The following CXCL5 variants were observed in gnomAD, a reference collection of about 807,000 sequenced individuals.
The protein encoded by CXCL5 is C-X-C motif chemokine 5.
CXCL5 carries 13 observed loss-of-function variants against 12.1 expected under a neutral mutation model. The observed-to-expected ratio is 1.08, with a 90% confidence interval of 0.70 to 1.71. The LOEUF is 1.71. Among genes scored for constraint, CXCL5 ranks in the 40% most tolerant of loss-of-function variants. CXCL5 has a pLI of 0.00. For synonymous variants in CXCL5, 67 were observed against 59.0 expected, an observed-to-expected ratio of 1.14 and a Z score of -0.62; for missense variants, 159 against 142.4, an observed-to-expected ratio of 1.12 and a Z score of -0.59.
chr4:73,997,956 G>T, intron 3 of CXCL5, 56 bp downstream of exon 3: 1 of 1,360,218 alleles, frequency 7.4e-7, no homozygotes, highest in Non-Finnish European at 1.0e-6. Context: ...ACCTTGTGAA[G>T]TCTATGGTCT....
rs1719182186 is a variant in CXCL5 at position 73,995,919 on chromosome 4, A to T, written c.*1718T>A. The stretch of plus-strand genomic sequence containing the variant: ...TATTTTTCTTGCAGTAGCTTTGTTA[A>T]TTGCACAAAATTATGTTTTGTTTTT... On this transcript the variant is annotated 3_prime_UTR_variant, in exon 4 of 4. Coordinates refer to ENST00000296027, the MANE Select transcript of CXCL5 (RefSeq NM_002994.5). 1.3e-5 allele frequency: 2 copies of T among 151,298 alleles called. No individual in the cohort carries two copies. The allele number at this position is 151,298 out of a possible 1,614,324, so 9.4% of individuals were successfully genotyped here. A position where few individuals can be genotyped will look rare whatever the true frequency, so the allele number is the denominator to read the frequency against.
At position 73,998,224 on chromosome 4, in the gene CXCL5, C is replaced by T. The variant is rs756143598; in HGVS notation, c.224G>A (p.Cys75Tyr). 1.5e-5 allele frequency: 25 copies of T among 1,614,130 alleles called. No homozygotes were observed. The highest frequency in any genetic ancestry group is 1.6e-4 in the Middle Eastern group (1 of 6,084). The change falls in exon 2 of 4, where the codon TGC becomes TAC. Residue 75 changes from cysteine to tyrosine, a missense_variant. Coordinates refer to ENST00000296027, the MANE Select transcript of CXCL5 (RefSeq NM_002994.5). ...AACTTACACCACTTCCACCTTGGAGCACTGTGGGCCTATGGCGAACACTTG... is the reference window on the plus strand; with the variant it reads ...AACTTACACCACTTCCACCTTGGAGTACTGTGGGCCTATGGCGAACACTTG... ...NLQVFAIGPQ[C>Y]SKVEVVASLK...
At position 73,998,321 on chromosome 4, in the gene CXCL5, C is replaced by G; in HGVS notation, c.127G>C (p.Val43Leu). 6.2e-7 allele frequency: 1 copy of G among 1,614,234 alleles called. No homozygotes were observed. Among genetic ancestry groups the G allele is most frequent in the Non-Finnish European group, 8.5e-7 (1 of 1,180,046 alleles). Residue 43 changes from valine to leucine, a missense_variant, in exon 2 of 4, where the codon GTG becomes CTG. Physicochemically the swap from Val to Leu is conservative, Grantham distance 32 (BLOSUM62 1). Transcript: ENST00000296027. ...PIASAGPAAA[V>L]LRELRCVCLQ... is the part of the protein sequence containing the mutation. The stretch of plus-strand genomic sequence containing the variant: ...CAAACGCAACGCAGCTCTCTCAACA[C>G]AGCAGCGGCAGGACCAGCTGGGGAA...
chr4:73,998,586 G>T lies in CXCL5; in HGVS notation c.-5C>A. The T allele has an allele frequency of 1.3e-6, 2 of 1,579,366 alleles. No homozygotes were observed. Among genetic ancestry groups the T allele is most frequent in the Admixed American group, 3.7e-5 (2 of 54,594 alleles). ...GCGGCTGGACAGGAGGCTCATAGTG[G>T]TCAAGAGAGCGCTGCGAGCGGTCGC... On this transcript the variant is annotated 5_prime_UTR_variant, in exon 1 of 4. Transcript: ENST00000296027.
Position 73,998,516 on chromosome 4 carries a change from C to G in CXCL5, c.66G>C (p.Leu22Phe). The G allele has an allele frequency of 6.3e-7, 1 of 1,596,206 alleles. No individual in the cohort carries two copies. Among genetic ancestry groups the G allele is most frequent in the Non-Finnish European group, 8.5e-7 (1 of 1,171,080 alleles). The change falls in exon 1 of 4, where the codon TTG becomes TTC. Residue 22 changes from leucine (L) to phenylalanine (F), a missense_variant. Coordinates refer to ENST00000296027, the MANE Select transcript of CXCL5 (RefSeq NM_002994.5). ...GCTGCGTCAGCAGCAGCAGCAGCAC[C>G]AACAGCGCGCACAAGGAGCTCGAAG... The part of the protein sequence containing the change: ...PGPSSSLCAL[L>F]VLLLLLTQPG...
At chr4:73,997,802 A>T (rs930948306) in intron 3 of CXCL5, 147 bp from the exon 4 acceptor site, 1 of 771,986 alleles carries the variant, frequency 1.3e-6, no homozygotes, top group Non-Finnish European at 2.1e-6. Flanking sequence ...AACATAACTT[A>T]GTGACAAGCT....
At chr4:73,997,740 T>C (rs980687266) in intron 3 of CXCL5, 85 bp from the exon 4 acceptor site, 29 of 1,150,306 alleles carry the variant, frequency 2.5e-5, no homozygotes, top group Non-Finnish European at 3.5e-5. Flanking sequence ...GTTTATGATG[T>C]TTGGTAAAAA....
Position 73,997,566 on chromosome 4 carries a change from G to T in CXCL5, c.*71C>A. ...AATCTTTCCTTCTTGTCTTCCCTGG[G>T]TTCAGAGACCTCCAGAAAACTTCTC... On this transcript the variant is annotated 3_prime_UTR_variant, in exon 4 of 4. Transcript: ENST00000296027. 8.6e-7 allele frequency: 1 copy of T among 1,159,048 alleles called. No individual in the cohort carries two copies. The allele number at this position is 1,159,048 out of a possible 1,614,324, so 71.8% of individuals were successfully genotyped here.
rs1719179287 is a variant in CXCL5, at chr4:73,995,835, T to G, written c.*1802A>C. The G allele has an allele frequency of 6.8e-6, 1 of 148,102 alleles. No homozygotes were observed. The highest frequency in any genetic ancestry group is 6.8e-5 in the Admixed American group (1 of 14,780). 9.2% of individuals were successfully genotyped at this position (148,102 alleles called of 1,614,324 possible). On this transcript the variant is annotated 3_prime_UTR_variant, in exon 4 of 4. Transcript: ENST00000296027. ...AAGCTCAGCAATGCTAAATATATAA[T>G]ATATATTATATATAAATATATAATA...
In CXCL5 at chr4:73,997,451, G is replaced by T; in HGVS notation, c.*186C>A. The T allele has an allele frequency of 1.7e-6, 1 of 576,250 alleles. No homozygotes were observed. The highest frequency in any genetic ancestry group is 3.0e-6 in the Non-Finnish European group (1 of 328,120). 35.7% of individuals were successfully genotyped at this position (576,250 alleles called of 1,614,324 possible). A position where few individuals can be genotyped will look rare whatever the true frequency, so the allele number is the denominator to read the frequency against. On this transcript the variant is annotated 3_prime_UTR_variant, in exon 4 of 4. Transcript: ENST00000296027. The stretch of plus-strand genomic sequence containing the variant: ...CATTAGCTGAGCTGAAAGCTTAAGC[G>T]GCAAACATAGGTTTTCCTCACACTC...
intron 3 of CXCL5, 43 bp from the exon 4 acceptor site, chr4:73,997,698 T>C (rs1418646059): frequency 3.5e-6 from 5 of 1,439,868 alleles, no homozygotes; most frequent in Admixed American, 3.6e-5. Context: ...TTTTTCACAC[T>C]CCTTTCTACT....
In CXCL5 at chr4:73,998,265, T is replaced by G. The variant is rs1719242601; in HGVS notation, c.183A>C (p.Lys61Asn). The change falls in exon 2 of 4, where the codon AAA (lysine) becomes AAC (asparagine). Residue 61 changes from lysine (K) to asparagine (N), a missense_variant. Transcript: ENST00000296027. ...CGAACACTTGCAGATTACTGATCAT[T>G]TTGGGATGAACTCCTTGCGTGGTCT... ...CLQTTQGVHP[K>N]MISNLQVFAI... The G allele has an allele frequency of 6.2e-7, 1 of 1,613,968 alleles. No homozygotes were observed. The highest frequency in any genetic ancestry group is 1.1e-5 in the South Asian group (1 of 91,094).
In CXCL5 at chr4:73,995,923, C is replaced by T. The variant is rs900426176; in HGVS notation, c.*1714G>A. On this transcript the variant is annotated 3_prime_UTR_variant, in exon 4 of 4. Transcript: ENST00000296027. ...TTTCTTGCAGTAGCTTTGTTAATTGCACAAAATTATGTTTTGTTTTTGCCA... is the reference window on the plus strand; with the variant it reads ...TTTCTTGCAGTAGCTTTGTTAATTGTACAAAATTATGTTTTGTTTTTGCCA... 1.4e-4 allele frequency: 21 copies of T among 151,150 alleles called. No individual in the cohort carries two copies. The highest frequency in any genetic ancestry group is 1.2e-3 in the Admixed American group (18 of 15,122). 9.4% of individuals were successfully genotyped at this position (151,150 alleles called of 1,614,324 possible).
chr4:73,997,453 CA>C lies in CXCL5; in HGVS notation c.*183del, dbSNP rs1719219736. The C allele has an allele frequency of 1.0e-5, 6 of 578,780 alleles. No individual in the cohort carries two copies. Among genetic ancestry groups the C allele is most frequent in the Non-Finnish European group, 1.8e-5 (6 of 329,646 alleles). 35.9% of individuals were successfully genotyped at this position (578,780 alleles called of 1,614,324 possible). On this transcript the variant is annotated 3_prime_UTR_variant, in exon 4 of 4. Coordinates refer to ENST00000296027, the MANE Select transcript of CXCL5 (RefSeq NM_002994.5). ...TTAGCTGAGCTGAAAGCTTAAGCGG[CA>C]AACATAGGTTTTCCTCACACTCTTC...
At chr4:73,997,929 T>C in intron 3 of CXCL5, 83 bp downstream of exon 3, 1 of 1,194,450 alleles carries the variant, frequency 8.4e-7, no homozygotes, top group Non-Finnish European at 1.2e-6. Context: ...GTTACTTAAA[T>C]CGTACAGAGA....
chr4:73,996,457 G>A lies in CXCL5; in HGVS notation c.*1180C>T, dbSNP rs1166871852. On this transcript the variant is annotated 3_prime_UTR_variant, in exon 4 of 4. Coordinates refer to ENST00000296027, the MANE Select transcript of CXCL5 (RefSeq NM_002994.5). The stretch of plus-strand genomic sequence containing the variant: ...GTGAGTGGGGAGGGAACTTGCCCCA[G>A]CGTGGCCACCTTATATATAATTATA... 6.6e-6 allele frequency: 1 copy of A among 152,562 alleles called. No individual in the cohort carries two copies. The highest frequency in any genetic ancestry group is 1.5e-5 in the Non-Finnish European group (1 of 68,042). The allele number at this position is 152,562 out of a possible 1,614,324, so 9.5% of individuals were successfully genotyped here. A position where few individuals can be genotyped will look rare whatever the true frequency, so the allele number is the denominator to read the frequency against.
chr4:73,996,404 G>A lies in CXCL5; in HGVS notation c.*1233C>T, dbSNP rs1296370524. ...CGTCTTCTGCAATCCTCTAACCCAG[G>A]TTCTACTCTGTGAAAGGGGCCAAAG... is the stretch of plus-strand genomic sequence containing the variant. On this transcript the variant is annotated 3_prime_UTR_variant, in exon 4 of 4. Transcript: ENST00000296027. 1 of 152,508 alleles carries A rather than the reference G, an allele frequency of 6.6e-6. No homozygotes were observed. Among genetic ancestry groups the A allele is most frequent in the African/African-American group, 2.4e-5 (1 of 41,422 alleles). The allele number at this position is 152,508 out of a possible 1,614,324, so 9.4% of individuals were successfully genotyped here.
rs530965359 is a variant in CXCL5, at chr4:73,998,643, T to C, written c.-62A>G. The C allele has an allele frequency of 1.4e-6, 2 of 1,426,576 alleles. No homozygotes were observed. Among genetic ancestry groups the C allele is most frequent in the Non-Finnish European group, 1.9e-6 (2 of 1,033,866 alleles). The allele number at this position is 1,426,576 out of a possible 1,614,324, so 88.4% of individuals were successfully genotyped here. A position where few individuals can be genotyped will look rare whatever the true frequency, so the allele number is the denominator to read the frequency against. On this transcript the variant is annotated 5_prime_UTR_variant, in exon 1 of 4. Transcript: ENST00000296027. ...CTGAACTGGGTGGAGGAGCGGAGAT[T>C]GGAGGAGCGAAGATTGGAGGATCCG...
chr4:73,997,641 T>G lies in CXCL5; in HGVS notation c.341A>C (p.Asn114Thr). The G allele has an allele frequency of 1.2e-6, 2 of 1,609,744 alleles. No individual in the cohort carries two copies. Among genetic ancestry groups the G allele is most frequent in the Non-Finnish European group, 1.7e-6 (2 of 1,177,532 alleles). ...ATGCGTGCTCATTTCTCTTAATCAG[T>G]TTTCCTTGTTTCCACTGTTGAGAAA... ...QKILDGGNKE[N>T] Residue 114 changes from asparagine to threonine, a missense_variant, in exon 4 of 4, where the codon AAC becomes ACC. Physicochemically the swap from Asn to Thr is moderately conservative, Grantham distance 65 (BLOSUM62 0). Transcript: ENST00000296027.
Sources: gnomAD v4.1 joint callset for allele counts on GRCh38, gnomAD v4.1.1 for gene constraint, MANE v1.5 for transcripts, NCBI Gene and HGNC (gene_info 2026-07-23, HGNC 2026-07-21) for gene names.